The following SCN8A variants were observed in gnomAD, a reference collection of about 807,000 sequenced individuals.
SCN8A encodes sodium channel protein type 8 subunit alpha.
In SCN8A, 30 loss-of-function variants were observed where a neutral mutation model predicts 184.1. The observed-to-expected ratio is 0.16, with a 90% confidence interval of 0.12 to 0.22. The LOEUF (loss-of-function observed/expected upper bound fraction) is 0.22, where lower values mean the gene tolerates loss of function less well. Ranked by LOEUF, SCN8A falls within the 10% of genes least tolerant of loss-of-function variation. SCN8A has a pLI of 1.00. For synonymous variants in SCN8A, 852 were observed against 907.0 expected, an observed-to-expected ratio of 0.94 and a Z score of 1.09; for missense variants, 1,057 against 2,498.9, an observed-to-expected ratio of 0.42 and a Z score of 12.30.
intron 12 of SCN8A, among the ~76,000 whole-genome samples, chr12:51,727,129 G>C (rs1301430753): frequency 1.3e-5 from 2 of 152,162 alleles, no homozygotes; most frequent in Non-Finnish European, 2.9e-5. Flanking sequence ...TCTTTGAAAA[G>C]GACTGCTGTA....
At chr12:51,652,083 G>A (rs1356771150) in intron 1 of SCN8A, among the ~76,000 whole-genome samples, 1 of 151,950 alleles carries the variant, frequency 6.6e-6, no homozygotes, top group African/African-American at 2.4e-5. Context: ...CCTATATGAT[G>A]CCTCCATTTG....
chr12:51,722,227 A>G (rs747437522), intron 12 of SCN8A: 6 of 449,918 alleles, frequency 1.3e-5, no homozygotes, highest in Non-Finnish European at 2.4e-5. Context: ...CCTTTATTTT[A>G]CCGTTTTCTT....
At chr12:51,658,621 T>C (rs530525168) in intron 1 of SCN8A, among the ~76,000 whole-genome samples, 2 of 152,048 alleles carry the variant, frequency 1.3e-5, no homozygotes, top group African/African-American at 2.4e-5. Flanking sequence ...GATAAATCAG[T>C]AGAGAGAGAA....
chr12:51,696,210 G>A (rs1941590098), intron 6 of SCN8A, among the ~76,000 whole-genome samples: 1 of 152,158 alleles, frequency 6.6e-6, no homozygotes, highest in African/African-American at 2.4e-5. Flanking sequence ...TGGAGAGATG[G>A]CTGTATAGGC....
At chr12:51,684,427 T>A (rs952088972) in intron 3 of SCN8A, 135 bp downstream of exon 3, 31 of 673,324 alleles carry the variant, frequency 4.6e-5, no homozygotes, top group African/African-American at 7.1e-5. Context: ...AGTCAGAGGT[T>A]TAAGAGTGAA....
intron 1 of SCN8A, among the ~76,000 whole-genome samples, chr12:51,649,439 A>T (rs1940661909): frequency 6.6e-6 from 1 of 152,208 alleles, no homozygotes; most frequent in Non-Finnish European, 1.5e-5. Flanking sequence ...GAGGTTCTCC[A>T]TAAGCGTCCT....
chr12:51,648,553 A>C (rs1940641695), intron 1 of SCN8A, among the ~76,000 whole-genome samples: 1 of 152,226 alleles, frequency 6.6e-6, no homozygotes, highest in African/African-American at 2.4e-5. Flanking sequence ...GAGGCCTCAG[A>C]ATCATGGCAG....
intron 2 of SCN8A, among the ~76,000 whole-genome samples, chr12:51,667,987 C>G (rs1941065210): frequency 6.6e-6 from 1 of 151,914 alleles, no homozygotes; most frequent in South Asian, 2.1e-4. Flanking sequence ...AGTTTGAGAC[C>G]AGCCTGACCA....
intron 1 of SCN8A, among the ~76,000 whole-genome samples, chr12:51,596,366 CTG>C (rs978892864): frequency 6.6e-6 from 1 of 152,144 alleles, no homozygotes; most frequent in African/African-American, 2.4e-5. Context: ...GCTGAAGAAA[CTG>C]AGTATCGAAG....
intron 24 of SCN8A, among the ~76,000 whole-genome samples, chr12:51,789,625 C>G (rs746026105): frequency 5.9e-5 from 9 of 152,218 alleles, no homozygotes; most frequent in Non-Finnish European, 1.0e-4. Flanking sequence ...ACCACACTTA[C>G]TAGCAGTCTT....
chr12:51,732,172 AT>A (rs1942254235), intron 12 of SCN8A, among the ~76,000 whole-genome samples: 1 of 152,138 alleles, frequency 6.6e-6, no homozygotes, highest in African/African-American at 2.4e-5. Context: ...AGTTTCCTCA[AT>A]GTTGTCTTAT....
intron 26 of SCN8A, among the ~76,000 whole-genome samples, chr12:51,796,406 A>C (rs1007839356): frequency 2.0e-5 from 3 of 152,212 alleles, no homozygotes; most frequent in African/African-American, 7.2e-5. Context: ...GTTGAGTGAC[A>C]CAGAAAATCC....
At chr12:51,702,232 G>A (rs149901402) in intron 8 of SCN8A, among the ~76,000 whole-genome samples, 1,775 of 148,770 alleles carry the variant, frequency 0.012, 20 homozygotes, top group African/African-American at 0.041. Flanking sequence ...TGAGGCAGGA[G>A]AATCGCTTGA....
At chr12:51,772,357 T>C (rs1389298743) in intron 19 of SCN8A, among the ~76,000 whole-genome samples, 1 of 149,308 alleles carries the variant, frequency 6.7e-6, no homozygotes, top group Admixed American at 6.7e-5. Flanking sequence ...ATTGCACCAT[T>C]GCACTCCAGC....
intron 1 of SCN8A, among the ~76,000 whole-genome samples, chr12:51,613,218 C>T (rs946354616): frequency 1.6e-4 from 25 of 152,050 alleles, no homozygotes; most frequent in Non-Finnish European, 3.1e-4. Context: ...TAGAATTCTC[C>T]AGGGAAACCA....
At chr12:51,640,800 G>A (rs535364476) in intron 1 of SCN8A, among the ~76,000 whole-genome samples, 1 of 152,344 alleles carries the variant, frequency 6.6e-6, no homozygotes, top group South Asian at 2.1e-4. Flanking sequence ...CCTTGAGGTT[G>A]AATGGGTTGG....
chr12:51,748,114 G>A (rs1050481266), intron 13 of SCN8A, among the ~76,000 whole-genome samples: 7 of 152,158 alleles, frequency 4.6e-5, no homozygotes, highest in Non-Finnish European at 5.9e-5. Context: ...CCGGAATCAC[G>A]TAAGAGGGAA....
intron 11 of SCN8A, among the ~76,000 whole-genome samples, chr12:51,710,678 A>G (rs374783879): frequency 2.0e-4 from 30 of 152,288 alleles, no homozygotes; most frequent in African/African-American, 7.2e-4. Flanking sequence ...AAGAACAAAA[A>G]CAAACCAAAA....
rs1055184282 is a variant in SCN8A, at chr12:51,811,002, A to C, written c.*3573A>C. On this transcript the variant is annotated 3_prime_UTR_variant, in exon 27 of 27. Coordinates refer to ENST00000627620, the MANE Select transcript of SCN8A (RefSeq NM_001330260.2). ...AACAGTGAAGATTAGTGTATTAGTG[A>C]ATGCATGGAGGCCAATGCTGCCCTA... 1 of 152,326 alleles carries C rather than the reference A, an allele frequency of 6.6e-6. No homozygotes were observed. Among genetic ancestry groups the C allele is most frequent in the Admixed American group, 6.5e-5 (1 of 15,302 alleles). The allele number at this position is 152,326 out of a possible 1,614,324, so 9.4% of individuals were successfully genotyped here.
Sources: allele counts gnomAD v4.1 joint callset (sites outside exome capture counted in the v4.1 genomes callset), GRCh38; gene constraint gnomAD v4.1.1; transcripts MANE v1.5; gene names NCBI Gene and HGNC (gene_info 2026-07-23, HGNC 2026-07-21).